ZNF804A: variants seen among roughly 807,000 people sequenced by gnomAD.
ZNF804A encodes the protein zinc finger protein 804A.
In ZNF804A, 2 loss-of-function variants were observed where a neutral mutation model predicts 16.5. The observed-to-expected ratio is 0.12, with a 90% CI of 0.05 to 0.38. ZNF804A has a LOEUF of 0.38. Among genes scored for constraint, ZNF804A ranks in the 10% least tolerant of loss-of-function variants. The pLI, the probability that ZNF804A is intolerant of heterozygous loss-of-function variation, is 0.99. For synonymous variants in ZNF804A, 534 were observed against 489.6 expected, an observed-to-expected ratio of 1.09 and a Z score of -1.20; for missense variants, 1,473 against 1,390.7, an observed-to-expected ratio of 1.06 and a Z score of -0.94.
chr2:184,687,011 G>C (rs1057387918), intron 1 of ZNF804A, among the ~76,000 whole-genome samples: 7 of 152,026 alleles, frequency 4.6e-5, no homozygotes, highest in Non-Finnish European at 7.4e-5. Flanking sequence ...GCTTCTTTTG[G>C]TGTGCAGAAA....
chr2:184,797,533 C>G (rs1266220957), intron 1 of ZNF804A, among the ~76,000 whole-genome samples: 1 of 152,040 alleles, frequency 6.6e-6, no homozygotes, highest in African/African-American at 2.4e-5. Flanking sequence ...AGGTGAGTCC[C>G]CTGATGGCAG....
At chr2:184,662,754 A>G (rs1037484805) in intron 1 of ZNF804A, among the ~76,000 whole-genome samples, 4 of 152,200 alleles carry the variant, frequency 2.6e-5, no homozygotes, top group Non-Finnish European at 5.9e-5. Context: ...GAACATATAC[A>G]TCCTCAGGAA....
At chr2:184,697,496 T>C (rs1692851662) in intron 1 of ZNF804A, among the ~76,000 whole-genome samples, 1 of 152,102 alleles carries the variant, frequency 6.6e-6, no homozygotes, top group Non-Finnish European at 1.5e-5. Context: ...TGATTTAATT[T>C]ACTAATATAT....
Position 184,938,714 on chromosome 2 carries a change from CGCTGCAGCTGCTGCAGCTGCA to C in ZNF804A, c.3327_3347del (p.Ala1113_Ala1119del), listed in dbSNP as rs746146750. On this transcript the variant is annotated inframe_deletion, in exon 4 of 4. Coordinates refer to ENST00000302277, the MANE Select transcript of ZNF804A (RefSeq NM_194250.2). Reference sequence around the variant, plus strand: ...TCCATCACACTGTTTTGCAGCAGCACGCTGCAGCTGCTGCAGCTGCAGCTGCAGCCGCAGCTGCAGGAACCT... The same window carrying C: ...TCCATCACACTGTTTTGCAGCAGCACGCTGCAGCCGCAGCTGCAGGAACCT... 215 of 1,612,400 alleles carry C rather than the reference CGCTGCAGCTGCTGCAGCTGCA, an allele frequency of 1.3e-4. No individual in the cohort carries two copies. The highest frequency in any genetic ancestry group is 8.3e-4 in the Middle Eastern group (5 of 6,054).
intron 1 of ZNF804A, among the ~76,000 whole-genome samples, chr2:184,845,933 A>G (rs1221398492): frequency 1.3e-5 from 2 of 152,068 alleles, no homozygotes; most frequent in South Asian, 2.1e-4. Flanking sequence ...CTCCAGATGA[A>G]CAGTTCTTAG....
rs746436519 is a variant in ZNF804A at position 184,844,131 on chromosome 2, C to A, written c.112-22238C>A. ...ACCATGATACAACACTATAATAGTT[C>A]ATATGTAGTGTGGATACCTTGCAAG... On this transcript the variant is annotated intron_variant, in intron 1 of 3. Transcript: ENST00000302277. Among the ~76,000 whole-genome samples the A allele has an allele frequency of 3.3e-5, 5 of 152,032 alleles. 1 individual carries two copies. The highest frequency in any genetic ancestry group is 4.1e-4 in the South Asian group (2 of 4,822).
intron 1 of ZNF804A, among the ~76,000 whole-genome samples, chr2:184,672,404 T>C (rs950649786): frequency 2.6e-5 from 4 of 152,208 alleles, no homozygotes; most frequent in African/African-American, 9.6e-5. Flanking sequence ...TATCCTTGCT[T>C]GCTCTGAGTA....
intron 1 of ZNF804A, among the ~76,000 whole-genome samples, chr2:184,817,503 C>T (rs940623443): frequency 8.6e-5 from 13 of 151,970 alleles, no homozygotes; most frequent in Admixed American, 5.3e-4. Flanking sequence ...ACCTCTCCTC[C>T]AAATGACCAC....
intron 1 of ZNF804A, among the ~76,000 whole-genome samples, chr2:184,820,580 G>A (rs1443566916): frequency 1.3e-5 from 2 of 152,070 alleles, no homozygotes; most frequent in Non-Finnish European, 1.5e-5. Context: ...AATCAGGCAA[G>A]AGAAAGAAAT....
intron 1 of ZNF804A, among the ~76,000 whole-genome samples, chr2:184,606,183 G>A (rs990114633): frequency 6.6e-6 from 1 of 152,118 alleles, no homozygotes; most frequent in African/African-American, 2.4e-5. Context: ...TTCTCACACT[G>A]CTAAAAAGAT....
At chr2:184,782,645 T>G (rs986887588) in intron 1 of ZNF804A, among the ~76,000 whole-genome samples, 4 of 150,708 alleles carry the variant, frequency 2.7e-5, no homozygotes, top group East Asian at 2.0e-4. Flanking sequence ...AGTTAATATT[T>G]ATTAAGCATA....
At chr2:184,698,923 C>T (rs539512057) in intron 1 of ZNF804A, among the ~76,000 whole-genome samples, 2 of 152,146 alleles carry the variant, frequency 1.3e-5, no homozygotes, top group East Asian at 3.9e-4. Context: ...TTAGAATTGG[C>T]TCACATGCAT....
rs557184051 is a variant in ZNF804A at position 184,863,948 on chromosome 2, T to C, written c.112-2421T>C. ...AAGAATCAATTAGTATAAGTAGGAATAATTGACAAATTTGCTGAGAAATGG... is the reference window on the plus strand; with the variant it reads ...AAGAATCAATTAGTATAAGTAGGAACAATTGACAAATTTGCTGAGAAATGG... On this transcript the variant is annotated intron_variant, in intron 1 of 3. Transcript: ENST00000302277. 8.7e-4 allele frequency among the ~76,000 whole-genome samples: 132 copies of C among 152,316 alleles called. 1 individual carries two copies. Among genetic ancestry groups the C allele is most frequent in the Non-Finnish European group, 1.5e-3 (101 of 68,026 alleles).
chr2:184,851,177 AATTT>A (rs1002913543), intron 1 of ZNF804A, among the ~76,000 whole-genome samples: 3 of 151,750 alleles, frequency 2.0e-5, no homozygotes, highest in Admixed American at 2.0e-4. Context: ...ATATACTTTT[AATTT>A]GTTTGTGGAG....
At chr2:184,725,079 A>G (rs371302027) in intron 1 of ZNF804A, among the ~76,000 whole-genome samples, 2 of 151,858 alleles carry the variant, frequency 1.3e-5, no homozygotes, top group East Asian at 1.9e-4. Flanking sequence ...AGAATAAGAC[A>G]CAGTGATTAG....
intron 1 of ZNF804A, among the ~76,000 whole-genome samples, chr2:184,717,711 G>C (rs1184485758): frequency 6.6e-6 from 1 of 152,150 alleles, no homozygotes; most frequent in Non-Finnish European, 1.5e-5. Flanking sequence ...ATTTGTGCAT[G>C]TTTATGGAGT....
At chr2:184,901,054 T>C (rs959990274) in intron 2 of ZNF804A, among the ~76,000 whole-genome samples, 8 of 152,144 alleles carry the variant, frequency 5.3e-5, no homozygotes, top group East Asian at 1.9e-4. Context: ...TCTACCAGTA[T>C]AGAATCCTTT....
intron 1 of ZNF804A, among the ~76,000 whole-genome samples, chr2:184,836,633 A>T (rs1695349622): frequency 6.6e-6 from 1 of 151,972 alleles, no homozygotes; most frequent in Non-Finnish European, 1.5e-5. Flanking sequence ...CATAGATATT[A>T]TAGGTAGATA....
intron 1 of ZNF804A, among the ~76,000 whole-genome samples, chr2:184,679,117 C>T (rs1022899034): frequency 6.6e-6 from 1 of 152,056 alleles, no homozygotes; most frequent in Non-Finnish European, 1.5e-5. Context: ...ATTAATGAAT[C>T]CCACAGAATA....
Sources: gnomAD v4.1 joint callset for allele counts (sites outside exome capture counted in the v4.1 genomes callset) on GRCh38, gnomAD v4.1.1 for gene constraint, MANE v1.5 for transcripts, NCBI Gene and HGNC (gene_info 2026-07-23, HGNC 2026-07-21) for gene names.